SENP5: variants seen among roughly 807,000 people sequenced by gnomAD.
The protein encoded by SENP5 is sentrin-specific protease 5.
A neutral mutation model predicts 74.2 loss-of-function variants in SENP5; 21 were observed. The observed-to-expected ratio is 0.28, with a 90% CI of 0.20 to 0.41. The LOEUF (loss-of-function observed/expected upper bound fraction) is 0.41, where lower values mean the gene tolerates loss of function less well. SENP5 is among the 10% of genes least tolerant of loss of function. The probability of loss-of-function intolerance (pLI) is 1.00; values close to 1 mark genes in which losing one functional copy is unlikely to be tolerated. For missense variants in SENP5, 717 were observed against 889.1 expected (o/e 0.81, Z 2.46); for synonymous variants, 311 against 312.7 (o/e 0.99, Z 0.06).
rs188943274 is a variant in SENP5, at chr3:196,906,727, T to C, written c.1884+3117T>C. ...AGAAGACAGTGGCATGAAGTGTACCTGATCCACAGATCAGGGCCTTGAGGT... is the reference window on the plus strand; with the variant it reads ...AGAAGACAGTGGCATGAAGTGTACCCGATCCACAGATCAGGGCCTTGAGGT... On this transcript the variant is annotated intron_variant, in intron 6 of 9. Coordinates refer to ENST00000323460, the MANE Select transcript of SENP5 (RefSeq NM_152699.5). Among the ~76,000 whole-genome samples the C allele has an allele frequency of 7.1e-3, 1,089 of 152,340 alleles. 5 individuals carry two copies. The highest frequency in any genetic ancestry group is 0.031 in the South Asian group (148 of 4,828).
At chr3:196,899,834 T>C (rs1044530748) in intron 3 of SENP5, 63 bp downstream of exon 3, 24 of 1,573,220 alleles carry the variant, frequency 1.5e-5, no homozygotes, top group Non-Finnish European at 2.1e-5. Context: ...ATGACTTTTC[T>C]CTTGATTTAC....
At position 196,875,414 on chromosome 3, in the gene SENP5, T is replaced by C. The variant is rs1577790894; in HGVS notation, c.-32+7341T>C. Among the ~76,000 whole-genome samples the C allele has an allele frequency of 2.0e-5, 3 of 152,210 alleles. No individual in the cohort carries two copies. The South Asian group carries it at 6.2e-4, about 32-fold the overall frequency. On this transcript the variant is annotated intron_variant, in intron 1 of 9. Coordinates refer to ENST00000323460, the MANE Select transcript of SENP5 (RefSeq NM_152699.5). ...GCCATTCTGCACATTGCAGGTAGAA[T>C]GATTTTTTTCAAGAATATGAATCAG...
chr3:196,877,254 G>A (rs987149314), intron 1 of SENP5, among the ~76,000 whole-genome samples: 1 of 151,982 alleles, frequency 6.6e-6, no homozygotes, highest in African/African-American at 2.4e-5. Context: ...CATGATCTTG[G>A]CTCACTGCAG....
At chr3:196,879,644 A>G (rs1713636205) in intron 1 of SENP5, among the ~76,000 whole-genome samples, 1 of 152,132 alleles carries the variant, frequency 6.6e-6, no homozygotes, top group African/African-American at 2.4e-5. Context: ...CATTTCCTGC[A>G]TCCTGTGTAT....
intron 2 of SENP5, among the ~76,000 whole-genome samples, chr3:196,888,345 G>C (rs1378994231): frequency 6.6e-6 from 1 of 152,184 alleles, no homozygotes; most frequent in Non-Finnish European, 1.5e-5. Flanking sequence ...CACTTTGGGA[G>C]GCCGAGGTGG....
intron 5 of SENP5, among the ~76,000 whole-genome samples, chr3:196,901,494 A>G (rs1714699406): frequency 6.6e-6 from 1 of 152,194 alleles, no homozygotes; most frequent in Non-Finnish European, 1.5e-5. Flanking sequence ...GTTTTGTTAC[A>G]TATCAAAACT....
intron 1 of SENP5, among the ~76,000 whole-genome samples, chr3:196,879,396 A>C (rs780553625): frequency 1.6e-4 from 24 of 152,016 alleles, no homozygotes; most frequent in Non-Finnish European, 3.1e-4. Flanking sequence ...TCTTTTGTTT[A>C]GTGTTCTCTG....
At chr3:196,880,702 C>T (rs568723118) in intron 1 of SENP5, among the ~76,000 whole-genome samples, 7 of 132,612 alleles carry the variant, frequency 5.3e-5, no homozygotes, top group Admixed American at 9.0e-5. Context: ...AGTGCAATGG[C>T]GTGATTTCGG....
At chr3:196,870,138 T>G (rs1230157197) in intron 1 of SENP5, among the ~76,000 whole-genome samples, 1 of 152,210 alleles carries the variant, frequency 6.6e-6, no homozygotes, top group African/African-American at 2.4e-5. Context: ...TTGCGAATTT[T>G]TAGTTCCTTT....
intron 2 of SENP5, among the ~76,000 whole-genome samples, chr3:196,890,660 G>C (rs1374134740): frequency 2.0e-5 from 3 of 152,208 alleles, no homozygotes; most frequent in African/African-American, 7.2e-5. Flanking sequence ...AGTTCTTTAA[G>C]TTCTTGCTTC....
chr3:196,931,934 A>G lies in SENP5; in HGVS notation c.*1011A>G. The G allele has an allele frequency of 2.2e-6, 1 of 454,896 alleles. No individual in the cohort carries two copies. Among genetic ancestry groups the G allele is most frequent in the Middle Eastern group, 3.3e-4 (1 of 3,070 alleles). The allele number at this position is 454,896 out of a possible 1,614,324, so 28.2% of individuals were successfully genotyped here. On this transcript the variant is annotated 3_prime_UTR_variant, in exon 10 of 10. Transcript: ENST00000323460. ...TGCAGGTGGCTGGAGAGAAGAGGGAAGGTAATAGAGACAACTTAGTCCCAT... is the reference window on the plus strand; with the variant it reads ...TGCAGGTGGCTGGAGAGAAGAGGGAGGGTAATAGAGACAACTTAGTCCCAT...
Position 196,872,167 on chromosome 3 carries a change from GGTGA to G in SENP5, c.-32+4097_-32+4100del, listed in dbSNP as rs777289339. On this transcript the variant is annotated intron_variant, in intron 1 of 9. Coordinates refer to ENST00000323460, the MANE Select transcript of SENP5 (RefSeq NM_152699.5). Reference sequence around the variant, plus strand: ...TTAGGCTTGGGGCTGTCCTAGGGTCGGTGAGTATCTAGTAAGAGTGTAAACCTTC... The same window carrying G: ...TTAGGCTTGGGGCTGTCCTAGGGTCGGTATCTAGTAAGAGTGTAAACCTTC... 2.6e-5 allele frequency among the ~76,000 whole-genome samples: 4 copies of G among 152,228 alleles called. No individual in the cohort carries two copies. In the South Asian group the frequency reaches 6.2e-4, roughly 24 times the overall value.
chr3:196,927,676 C>T, intron 7 of SENP5, 120 bp from the exon 8 acceptor site: 1 of 545,918 alleles, frequency 1.8e-6, no homozygotes, highest in Admixed American at 3.2e-5. Context: ...CTTCTTAATG[C>T]ATATTCTGCC....
intron 2 of SENP5, among the ~76,000 whole-genome samples, chr3:196,891,587 G>GA (rs1193966775): frequency 1.3e-5 from 2 of 152,122 alleles, no homozygotes; most frequent in Non-Finnish European, 2.9e-5. Context: ...GCAACATAGC[G>GA]ATATAAATAC....
At chr3:196,869,759 CA>C (rs58745670) in intron 1 of SENP5, among the ~76,000 whole-genome samples, 45 of 37,984 alleles carry the variant, frequency 1.2e-3, no homozygotes, top group South Asian at 2.1e-3. Context: ...AACTCCGTCT[CA>C]AAAAAAAAAA....
In SENP5 at chr3:196,900,347, T is replaced by A; in HGVS notation, c.1759-18T>A. 1 of 1,595,764 alleles carries A rather than the reference T, an allele frequency of 6.3e-7. No individual in the cohort carries two copies. The highest frequency in any genetic ancestry group is 1.2e-5 in the South Asian group (1 of 86,582). On this transcript the variant is annotated intron_variant, in intron 4 of 9. Coordinates refer to ENST00000323460, the MANE Select transcript of SENP5 (RefSeq NM_152699.5). ...ACTGGCAGAGATAGTAAGCTGGTTT[T>A]ATGTTGACTTTTTATAGGTCATTAA... is the stretch of plus-strand genomic sequence containing the variant.
At chr3:196,882,577 C>T in intron 1 of SENP5, among the ~76,000 whole-genome samples, 1 of 152,144 alleles carries the variant, frequency 6.6e-6, no homozygotes, top group Non-Finnish European at 1.5e-5. Flanking sequence ...GATCTCAGTT[C>T]ACCACAACCT....
chr3:196,873,697 G>C (rs367838363), intron 1 of SENP5, among the ~76,000 whole-genome samples: 2 of 151,760 alleles, frequency 1.3e-5, no homozygotes, highest in Non-Finnish European at 2.9e-5. Context: ...AAAATTAGCC[G>C]GGTGTGGTGG....
chr3:196,883,456 G>C (rs1713814463), intron 1 of SENP5, among the ~76,000 whole-genome samples: 1 of 152,054 alleles, frequency 6.6e-6, no homozygotes, highest in Admixed American at 6.6e-5. Context: ...TTATCCTCCT[G>C]GTATACCCCT....
Sources: allele counts gnomAD v4.1 joint callset (sites outside exome capture counted in the v4.1 genomes callset), GRCh38; gene constraint gnomAD v4.1.1; transcripts MANE v1.5; gene names NCBI Gene and HGNC (gene_info 2026-07-23, HGNC 2026-07-21).